Variants in SCARA3 observed in about 807,000 individuals in gnomAD.
SCARA3 encodes scavenger receptor class A member 3, also known as cellular stress response gene protein.
Under a neutral mutation model 47.0 loss-of-function variants are expected in SCARA3, and 39 were observed. The observed-to-expected ratio is 0.83, with a 90% confidence interval of 0.64 to 1.08. The LOEUF (loss-of-function observed/expected upper bound fraction) is 1.08, where lower values mean the gene tolerates loss of function less well. Ranked by LOEUF, SCARA3 falls within the 50% of genes least tolerant of loss-of-function variation. The probability of loss-of-function intolerance (pLI) is 0.00; values close to 1 mark genes in which losing one functional copy is unlikely to be tolerated. For synonymous variants in SCARA3, 356 were observed against 334.1 expected, an observed-to-expected ratio of 1.07 and a Z score of -0.71; for missense variants, 724 against 792.3, an observed-to-expected ratio of 0.91 and a Z score of 1.04.
intron 1 of SCARA3, among the ~76,000 whole-genome samples, chr8:27,637,061 G>T (rs570088473): frequency 2.0e-4 from 31 of 152,256 alleles, no homozygotes; most frequent in Admixed American, 3.9e-4. Context: ...ACAAACACGT[G>T]ATGTGATGTG....
the SCARA3 span, among the ~76,000 whole-genome samples, chr8:27,715,032 A>T: frequency 6.6e-6 from 1 of 151,908 alleles, no homozygotes; most frequent in East Asian, 1.9e-4. The surrounding 1 kb of genome is among the most constrained non-coding windows in gnomAD (Gnocchi z 4.2). Context: ...CGATCCTCAC[A>T]CCTGAGCCTC....
At chr8:27,733,991 C>G in the SCARA3 span, 1 of 152,346 alleles carries the variant, frequency 6.6e-6, no homozygotes, top group South Asian at 2.1e-4. Flanking sequence ...CACTGAATAG[C>G]TGAAAGGCTC....
the SCARA3 span, among the ~76,000 whole-genome samples, chr8:27,685,030 A>G: frequency 6.6e-6 from 1 of 152,332 alleles, no homozygotes; most frequent in East Asian, 1.9e-4. Context: ...TAGAATGGAG[A>G]GGACCTGGAA....
In SCARA3 at chr8:27,649,728, G is replaced by T. The variant is rs1563404379; in HGVS notation, c.34G>T (p.Ala12Ser). 6 of 1,614,056 alleles carry T rather than the reference G, an allele frequency of 3.7e-6. No individual in the cohort carries two copies. In the Admixed American group the frequency reaches 1.0e-4, roughly 27 times the overall value. Residue 12 changes from alanine (A) to serine (S), a missense_variant, in exon 2 of 6, where the codon GCC becomes TCC. Transcript: ENST00000301904. ...KVRSAGGDGD[A>S]LCVTEEDLAG... is the part of the protein sequence containing the mutation. ...GAGGTCGGCCGGCGGCGATGGAGATGCCTTGTGCGTTACAGAAGAGGACCT... is the reference window on the plus strand; with the variant it reads ...GAGGTCGGCCGGCGGCGATGGAGATTCCTTGTGCGTTACAGAAGAGGACCT...
intron 5 of SCARA3, among the ~76,000 whole-genome samples, chr8:27,665,129 TG>T (rs1460339665): frequency 1.3e-5 from 2 of 152,174 alleles, no homozygotes; most frequent in Non-Finnish European, 1.5e-5. Flanking sequence ...TGGAGCCATG[TG>T]GAAGGTGCCA....
chr8:27,670,949 G>A lies in SCARA3; in HGVS notation c.1419G>A (p.Val473=), dbSNP rs368918172. ...GPRGFKGDMG[V]KGPVGGRGPK... is the part of the protein sequence containing the mutation. ...GAGGATTCAAAGGAGATATGGGCGT[G>A]AAAGGGCCTGTTGGCGGCAGAGGCC... The change falls in exon 6 of 6, where the codon GTG becomes GTA. Residue 473 remains valine (V), a synonymous_variant. Transcript: ENST00000301904. 2.0e-5 allele frequency: 32 copies of A among 1,590,562 alleles called. No individual in the cohort carries two copies. The highest frequency in any genetic ancestry group is 2.7e-5 in the Non-Finnish European group (32 of 1,172,864).
the SCARA3 span, among the ~76,000 whole-genome samples, chr8:27,724,783 T>TG: frequency 6.6e-6 from 1 of 152,106 alleles, no homozygotes; most frequent in African/African-American, 2.4e-5. Flanking sequence ...TTCCAAATTT[T>TG]GGGGGGTGAC....
At chr8:27,728,603 G>A in the SCARA3 span, among the ~76,000 whole-genome samples, 1 of 152,256 alleles carries the variant, frequency 6.6e-6, no homozygotes, top group Non-Finnish European at 1.5e-5. Flanking sequence ...CATTCTGGAA[G>A]AGGCAGGGTG....
downstream of SCARA3, among the ~76,000 whole-genome samples, chr8:27,681,560 TA>T (rs959454891): frequency 8.1e-5 from 12 of 148,942 alleles, no homozygotes; most frequent in African/African-American, 2.0e-4. Context: ...CTTCATCTCT[TA>T]AAAAAAAAAT....
chr8:27,647,695 G>T (rs1801536376), intron 1 of SCARA3, among the ~76,000 whole-genome samples: 1 of 152,320 alleles, frequency 6.6e-6, no homozygotes, highest in South Asian at 2.1e-4. Context: ...TGAGGTGTGG[G>T]CAACAGGGCC....
downstream of SCARA3, among the ~76,000 whole-genome samples, chr8:27,677,492 A>G (rs941335554): frequency 8.5e-5 from 13 of 152,252 alleles, no homozygotes; most frequent in African/African-American, 2.9e-4. Flanking sequence ...AGGTCTGACC[A>G]GCCTTACTAA....
At chr8:27,700,911 T>C in the SCARA3 span, among the ~76,000 whole-genome samples, 1 of 152,180 alleles carries the variant, frequency 6.6e-6, no homozygotes. Context: ...TAACCTATGA[T>C]CCAGCAATTT....
chr8:27,669,884 TG>T (rs1802105363), intron 5 of SCARA3, among the ~76,000 whole-genome samples: 1 of 152,154 alleles, frequency 6.6e-6, no homozygotes, highest in African/African-American at 2.4e-5. Flanking sequence ...GCCGCAGAAC[TG>T]GGTACGGCAG....
the SCARA3 span, among the ~76,000 whole-genome samples, chr8:27,729,566 G>A: frequency 9.1e-4 from 139 of 152,220 alleles, no homozygotes; most frequent in Non-Finnish European, 1.6e-3. Flanking sequence ...CGAGGCGGGC[G>A]GATTGCCTGA....
At chr8:27,649,202 A>G (rs964663793) in intron 1 of SCARA3, among the ~76,000 whole-genome samples, 14 of 152,152 alleles carry the variant, frequency 9.2e-5, no homozygotes, top group Non-Finnish European at 1.9e-4. Flanking sequence ...TGTGTGAAGC[A>G]GGGATCTGCG....
chr8:27,727,264 A>C, the SCARA3 span, among the ~76,000 whole-genome samples: 1 of 152,176 alleles, frequency 6.6e-6, no homozygotes, highest in Non-Finnish European at 1.5e-5. Context: ...AGATTCAGGC[A>C]CCTTCCGCCC....
downstream of SCARA3, chr8:27,676,701 G>T: frequency 1.5e-6 from 1 of 688,442 alleles, no homozygotes. Context: ...CACATATTAT[G>T]CCTTGAGACA....
intron 1 of SCARA3, among the ~76,000 whole-genome samples, chr8:27,648,461 G>A (rs914927928): frequency 4.6e-5 from 7 of 152,078 alleles, no homozygotes; most frequent in Non-Finnish European, 8.8e-5. Flanking sequence ...AAAATTAGCC[G>A]GGCGTGGTGG....
chr8:27,667,598 T>TG (rs1463512167), intron 5 of SCARA3, among the ~76,000 whole-genome samples: 4 of 152,214 alleles, frequency 2.6e-5, no homozygotes, highest in Admixed American at 2.0e-4. Flanking sequence ...GGCCACCCGC[T>TG]GCACCTGCAT....
Sources: allele counts gnomAD v4.1 joint callset (sites outside exome capture counted in the v4.1 genomes callset), GRCh38; gene constraint gnomAD v4.1.1; non-coding constraint Gnocchi (gnomAD v3.1); transcripts MANE v1.5; gene names NCBI Gene and HGNC (gene_info 2026-07-23, HGNC 2026-07-21).